The following USP9X variants were observed in gnomAD, a reference collection of about 807,000 sequenced individuals.
The protein encoded by USP9X is ubiquitin specific peptidase 9 X-linked.
Under a neutral mutation model 190.3 loss-of-function variants are expected in USP9X, and 7 were observed. That is an observed-to-expected ratio of 0.04 (90% CI 0.02 to 0.07). USP9X has a LOEUF of 0.07. Among genes scored for constraint, USP9X ranks in the 10% least tolerant of loss-of-function variants. The pLI is 1.00. For missense variants in USP9X, 1,010 were observed against 1,916.9 expected, an observed-to-expected ratio of 0.53 and a Z score of 8.83; for synonymous variants, 645 against 659.5, an observed-to-expected ratio of 0.98 and a Z score of 0.34.
At chrX:41,174,887 T>TG (rs1235615610) in intron 21 of USP9X, among the ~76,000 whole-genome samples, 1 of 111,299 alleles carries the variant, frequency 9.0e-6, no homozygotes, top group Non-Finnish European at 1.9e-5. Flanking sequence ...CCCAGCTACT[T>TG]GGGAGGCTGA....
Position 41,232,933 on chromosome X carries a change from GAAAAA to G in USP9X, c.*417_*421del, listed in dbSNP as rs759670124. 1.0e-5 allele frequency: 1 copy of G among 97,667 alleles called. No individual in the cohort carries two copies. The highest frequency in any genetic ancestry group is 1.1e-4 in the Admixed American group (1 of 9,031). The allele number at this position is 97,667 out of a possible 1,213,427, so 8.0% of individuals were successfully genotyped here. ...GTTGGATCAGCTCCTTTACAAAAAA[GAAAAA>G]AAAAAAACCAACAGCAACAAAACAG... is the stretch of plus-strand genomic sequence containing the variant. On this transcript the variant is annotated 3_prime_UTR_variant, in exon 45 of 45. Coordinates refer to ENST00000378308, the MANE Select transcript of USP9X (RefSeq NM_001039591.3).
At chrX:41,205,564 C>T (rs146343014) in intron 32 of USP9X, 71 bp downstream of exon 32, 3 of 940,129 alleles carry the variant, frequency 3.2e-6, no homozygotes, top group South Asian at 6.9e-5. Flanking sequence ...CATTAAACCT[C>T]TAAAAGACAT....
chrX:41,167,140 G>A (rs768419860), intron 16 of USP9X: 1 of 179,094 alleles, frequency 5.6e-6, no homozygotes, highest in Non-Finnish European at 1.0e-5. Context: ...TGTGTTTCAT[G>A]TAATCTCTTA....
chrX:41,152,987 C>T lies in USP9X; in HGVS notation c.1803C>T (p.Asp601=). 1 of 1,210,313 alleles carries T rather than the reference C, an allele frequency of 8.3e-7. No individual in the cohort carries two copies. Among genetic ancestry groups the T allele is most frequent in the Non-Finnish European group, 1.1e-6 (1 of 894,719 alleles). The change falls in exon 14 of 45, where the codon GAC becomes GAT. Residue 601 remains aspartate (D), a synonymous_variant. Transcript: ENST00000378308. ...QRSPHVFYRH[D]LINQLQHNHA... is the part of the protein sequence containing the mutation. ...GTCCCCATGTGTTTTATCGCCATGACTTAATCAATCAACTTCAACACAATC... is the reference window on the plus strand; with the variant it reads ...GTCCCCATGTGTTTTATCGCCATGATTTAATCAATCAACTTCAACACAATC...
intron 30 of USP9X, among the ~76,000 whole-genome samples, chrX:41,199,042 G>A (rs947318222): frequency 3.6e-5 from 4 of 110,555 alleles, no homozygotes; most frequent in African/African-American, 1.3e-4. Context: ...AAATTAGCTG[G>A]GCATTGTGGT....
intron 1 of USP9X, among the ~76,000 whole-genome samples, chrX:41,118,236 C>T (rs1190899040): frequency 1.8e-5 from 2 of 111,288 alleles, no homozygotes; most frequent in African/African-American, 6.5e-5. Context: ...CATCCATTTC[C>T]AGAACTTCTC....
chrX:41,193,221 A>G (rs2062953135), intron 26 of USP9X, among the ~76,000 whole-genome samples: 1 of 111,324 alleles, frequency 9.0e-6, no homozygotes, highest in Non-Finnish European at 1.9e-5. Flanking sequence ...CATTGTGAAG[A>G]CATTGACCCT....
At chrX:41,150,438 T>C (rs1569169392) in intron 12 of USP9X, among the ~76,000 whole-genome samples, 1 of 112,262 alleles carries the variant, frequency 8.9e-6, no homozygotes, top group Non-Finnish European at 1.9e-5. Context: ...TTTTTAAATG[T>C]AGTTGTCATT....
intron 14 of USP9X, among the ~76,000 whole-genome samples, chrX:41,153,997 C>T (rs1248205765): frequency 9.0e-6 from 1 of 111,204 alleles, no homozygotes; most frequent in African/African-American, 3.3e-5. Context: ...GAATAAAATC[C>T]CCTCGTGCTT....
chrX:41,213,087 T>G (rs2063180845), intron 33 of USP9X, among the ~76,000 whole-genome samples: 1 of 111,886 alleles, frequency 8.9e-6, no homozygotes, highest in Non-Finnish European at 1.9e-5. Flanking sequence ...GTCAAAAGAT[T>G]ATGGTCTTGA....
intron 1 of USP9X, among the ~76,000 whole-genome samples, chrX:41,107,355 A>G (rs1054101358): frequency 5.3e-4 from 60 of 112,535 alleles, no homozygotes; most frequent in Admixed American, 3.9e-3. Flanking sequence ...GAAGAATGCC[A>G]TCCCACTGCC....
At chrX:41,137,936 C>G (rs1210019024) in intron 6 of USP9X, among the ~76,000 whole-genome samples, 1 of 109,920 alleles carries the variant, frequency 9.1e-6, no homozygotes, top group African/African-American at 3.3e-5. Flanking sequence ...TCACAGGGCA[C>G]AAAACTTGAT....
chrX:41,160,508 C>G (rs1002577608), intron 14 of USP9X, among the ~76,000 whole-genome samples: 8 of 110,556 alleles, frequency 7.2e-5, no homozygotes, highest in African/African-American at 2.6e-4. Context: ...GTGTTAGCAC[C>G]TAAACAAAAA....
At position 41,205,311 on chromosome X, in the gene USP9X, T is replaced by C. The variant is rs2063081402; in HGVS notation, c.4833T>C (p.Val1611=). The C allele has an allele frequency of 8.4e-7, 1 of 1,183,944 alleles. No individual in the cohort carries two copies. The highest frequency in any genetic ancestry group is 1.8e-5 in the African/African-American group (1 of 56,777). Residue 1611 remains valine, a synonymous_variant, in exon 32 of 45, where the codon GTT becomes GTC. Transcript: ENST00000378308. ...GDEKQDNESN[V]DPRDDVFGYP... ...CATTTTTTGGTTTCTAGAGCAATGT[T>C]GATCCCAGGGATGATGTATTTGGAT...
chrX:41,140,353 G>A (rs2062411565), intron 6 of USP9X, among the ~76,000 whole-genome samples: 1 of 111,497 alleles, frequency 9.0e-6, no homozygotes, highest in Admixed American at 9.6e-5. Flanking sequence ...GTAATTAGAA[G>A]GTATTCATTC....
At chrX:41,127,601 T>C (rs2062267362) in intron 2 of USP9X, among the ~76,000 whole-genome samples, 1 of 112,418 alleles carries the variant, frequency 8.9e-6, no homozygotes, top group South Asian at 3.6e-4. Flanking sequence ...ACTTCCGTGC[T>C]GTAGTTTCCT....
Position 41,166,234 on chromosome X carries a change from T to C in USP9X, c.2328+20T>C. The stretch of plus-strand genomic sequence containing the variant: ...TGGAGGGTAAGTCAAAAGTAGGAAC[T>C]CTGTAAATGGTGTCTGATGTACTTT... On this transcript the variant is annotated intron_variant, in intron 16 of 44. Coordinates refer to ENST00000378308, the MANE Select transcript of USP9X (RefSeq NM_001039591.3). 2 of 1,081,645 alleles carry C rather than the reference T, an allele frequency of 1.8e-6. No individual in the cohort carries two copies. The highest frequency in any genetic ancestry group is 2.5e-6 in the Non-Finnish European group (2 of 802,005). 89.1% of individuals were successfully genotyped at this position (1,081,645 alleles called of 1,213,427 possible). A position where few individuals can be genotyped will look rare whatever the true frequency, so the allele number is the denominator to read the frequency against.
chrX:41,225,187 G>C lies in USP9X; in HGVS notation c.7061+50G>C, dbSNP rs747684319. ...AACAATTAGGCTTGCCCAGGTGTTA[G>C]AGTTAACTGAAATTGACAGTCACCA... On this transcript the variant is annotated intron_variant, in intron 41 of 44. Transcript: ENST00000378308. 3.6e-6 allele frequency: 4 copies of C among 1,111,586 alleles called. No individual in the cohort carries two copies. In the South Asian group the frequency reaches 5.7e-5, roughly 16 times the overall value. The allele number at this position is 1,111,586 out of a possible 1,213,427, so 91.6% of individuals were successfully genotyped here. A position where few individuals can be genotyped will look rare whatever the true frequency, so the allele number is the denominator to read the frequency against.
intron 21 of USP9X, among the ~76,000 whole-genome samples, chrX:41,183,064 G>A (rs1309715979): frequency 9.2e-6 from 1 of 108,814 alleles, no homozygotes; most frequent in African/African-American, 3.3e-5. Context: ...TCAGCGTCCC[G>A]AATAGCTGGG....
Sources: allele counts gnomAD v4.1 joint callset (sites outside exome capture counted in the v4.1 genomes callset), GRCh38; gene constraint gnomAD v4.1.1; transcripts MANE v1.5; gene names NCBI Gene and HGNC (gene_info 2026-07-23, HGNC 2026-07-21).